SLIT3: variants seen among roughly 807,000 people sequenced by gnomAD.
SLIT3 encodes the protein slit guidance ligand 3.
In SLIT3, 68 loss-of-function variants were observed where a neutral mutation model predicts 184.0. That is an observed-to-expected ratio of 0.37 (90% CI 0.30 to 0.45). SLIT3 has a LOEUF of 0.45. Among genes scored for constraint, SLIT3 ranks in the 20% least tolerant of loss-of-function variants. The pLI, the probability that SLIT3 is intolerant of heterozygous loss-of-function variation, is 1.00. For synonymous variants in SLIT3, 831 were observed against 828.6 expected (o/e 1.00, Z -0.05); for missense variants, 1,707 against 2,026.0 (o/e 0.84, Z 3.02).
chr5:168,808,351 T>G (rs554408473), intron 8 of SLIT3, among the ~76,000 whole-genome samples: 1 of 152,178 alleles, frequency 6.6e-6, no homozygotes, highest in South Asian at 2.1e-4. Context: ...GCTGAGAATG[T>G]GGGCTCTGGG....
intron 4 of SLIT3, among the ~76,000 whole-genome samples, chr5:169,014,513 G>A (rs577798158): frequency 1.9e-3 from 291 of 152,288 alleles, no homozygotes; most frequent in South Asian, 4.8e-3. Flanking sequence ...CAAGACCAAC[G>A]TCAAGCCGGC....
At chr5:169,188,118 T>C (rs1763422114) in intron 4 of SLIT3, among the ~76,000 whole-genome samples, 1 of 152,080 alleles carries the variant, frequency 6.6e-6, no homozygotes, top group South Asian at 2.1e-4. Flanking sequence ...CCATCATGCC[T>C]AGCTATATTT....
At chr5:169,210,870 T>C (rs1448435664) in intron 3 of SLIT3, among the ~76,000 whole-genome samples, 1 of 152,206 alleles carries the variant, frequency 6.6e-6, no homozygotes, top group East Asian at 1.9e-4. Context: ...TTGCAGTATC[T>C]TCCATTAAAG....
chr5:169,097,978 T>C (rs2113221242), intron 4 of SLIT3, among the ~76,000 whole-genome samples: 1 of 152,320 alleles, frequency 6.6e-6, no homozygotes, highest in South Asian at 2.1e-4. Flanking sequence ...AAAATGTTCT[T>C]TTAAAAAATT....
At chr5:169,130,279 A>C (rs1376878204) in intron 4 of SLIT3, among the ~76,000 whole-genome samples, 1 of 152,248 alleles carries the variant, frequency 6.6e-6, no homozygotes, top group South Asian at 2.1e-4. Flanking sequence ...ATTCCAAAAT[A>C]AAAAGCATAT....
At chr5:169,197,476 A>G (rs1029705583) in intron 3 of SLIT3, among the ~76,000 whole-genome samples, 1 of 152,178 alleles carries the variant, frequency 6.6e-6, no homozygotes, top group African/African-American at 2.4e-5. Context: ...CTCAACAGGA[A>G]AATGAACAGA....
At chr5:168,701,221 C>G (rs1329227054) in intron 26 of SLIT3, among the ~76,000 whole-genome samples, 2 of 152,192 alleles carry the variant, frequency 1.3e-5, no homozygotes, top group African/African-American at 4.8e-5. Flanking sequence ...GATAACATTA[C>G]CATGAGCCTC....
intron 20 of SLIT3, among the ~76,000 whole-genome samples, chr5:168,728,300 A>ATC (rs1554135976): frequency 2.9e-5 from 4 of 140,306 alleles, no homozygotes; most frequent in African/African-American, 1.0e-4. Flanking sequence ...ATATATATAT[A>ATC]TCCTCAGAGA....
intron 4 of SLIT3, among the ~76,000 whole-genome samples, chr5:169,047,407 C>T (rs898142313): frequency 1.1e-4 from 16 of 152,172 alleles, no homozygotes; most frequent in Admixed American, 2.6e-4. Context: ...CTCTGCTACC[C>T]GCTGTCCTAA....
intron 4 of SLIT3, among the ~76,000 whole-genome samples, chr5:169,150,209 T>G (rs1262637065): frequency 6.6e-6 from 1 of 152,202 alleles, no homozygotes. Context: ...TGCTCCCCGC[T>G]CCAACCCCTA....
chr5:168,776,911 T>C (rs934472229), intron 12 of SLIT3, among the ~76,000 whole-genome samples: 2 of 152,136 alleles, frequency 1.3e-5, no homozygotes, highest in Non-Finnish European at 2.9e-5. Context: ...TACATCATCT[T>C]GTCAAGAAAC....
At chr5:168,841,662 A>G (rs1758256959) in intron 6 of SLIT3, among the ~76,000 whole-genome samples, 1 of 152,232 alleles carries the variant, frequency 6.6e-6, no homozygotes, top group Non-Finnish European at 1.5e-5. Flanking sequence ...TGTAACTGGT[A>G]AAACCATTGT....
rs75623717 is a variant in SLIT3 at position 168,664,917 on chromosome 5, A to T, written c.*1537T>A. On this transcript the variant is annotated 3_prime_UTR_variant, in exon 36 of 36. Coordinates refer to ENST00000519560, the MANE Select transcript of SLIT3 (RefSeq NM_003062.4). ...CCTTGGTCACTTTCCCTAGATGCAT[A>T]AGCCCTGGTCTCCAGAATCTTTCCA... is the stretch of plus-strand genomic sequence containing the variant. 0.051 allele frequency: 7,722 copies of T among 152,316 alleles called. 500 individuals carry two copies. The highest frequency in any genetic ancestry group is 0.19 in the Admixed American group (2,857 of 15,298). The allele number at this position is 152,316 out of a possible 1,614,324, so 9.4% of individuals were successfully genotyped here.
intron 1 of SLIT3, among the ~76,000 whole-genome samples, chr5:169,284,042 G>A (rs1034050919): frequency 6.6e-6 from 1 of 152,122 alleles, no homozygotes; most frequent in African/African-American, 2.4e-5. Flanking sequence ...GGCTGGTATA[G>A]TTTGCTGAAT....
chr5:169,057,806 T>A (rs540532319), intron 4 of SLIT3, among the ~76,000 whole-genome samples: 1 of 152,310 alleles, frequency 6.6e-6, no homozygotes, highest in East Asian at 1.9e-4. Context: ...TGGGGCGACC[T>A]CTGTGACTTC....
At chr5:169,286,431 T>A (rs1767152317) in intron 1 of SLIT3, among the ~76,000 whole-genome samples, 1 of 152,156 alleles carries the variant, frequency 6.6e-6, no homozygotes. Context: ...CTCTCTTGCC[T>A]CTAGAAAGTC....
intron 4 of SLIT3, among the ~76,000 whole-genome samples, chr5:168,956,152 C>A (rs1215196716): frequency 1.3e-5 from 2 of 152,194 alleles, no homozygotes; most frequent in Non-Finnish European, 2.9e-5. Context: ...AGAGAGAAAT[C>A]AATTCCTTCC....
At chr5:168,820,546 T>G (rs1757494609) in intron 7 of SLIT3, among the ~76,000 whole-genome samples, 1 of 152,198 alleles carries the variant, frequency 6.6e-6, no homozygotes, top group African/African-American at 2.4e-5. Flanking sequence ...ATGTTCACTG[T>G]TAATTACGAC....
At chr5:168,809,476 T>C (rs1757094888) in intron 8 of SLIT3, among the ~76,000 whole-genome samples, 1 of 152,176 alleles carries the variant, frequency 6.6e-6, no homozygotes, top group South Asian at 2.1e-4. Flanking sequence ...ACGAAACACT[T>C]CTGGCTTACA....
Sources: allele counts gnomAD v4.1 joint callset (sites outside exome capture counted in the v4.1 genomes callset), GRCh38; gene constraint gnomAD v4.1.1; transcripts MANE v1.5; gene names NCBI Gene and HGNC (gene_info 2026-07-23, HGNC 2026-07-21).